Variants in PEX11G observed in about 807,000 individuals in gnomAD.
PEX11G encodes the protein peroxisomal membrane protein 11C.
Under a neutral mutation model 22.5 loss-of-function variants are expected in PEX11G, and 20 were observed. That is an observed-to-expected ratio of 0.89 (90% CI 0.62 to 1.29). PEX11G has a LOEUF of 1.29. Ranked by LOEUF, PEX11G falls within the 50% of genes most tolerant of loss-of-function variation. The pLI is 0.00. For missense variants in PEX11G, 347 were observed against 331.3 expected, an observed-to-expected ratio of 1.05 and a Z score of -0.37; for synonymous variants, 141 against 154.5, an observed-to-expected ratio of 0.91 and a Z score of 0.65.
chr19:7,486,085 C>A, intron 1 of PEX11G, 59 bp from the exon 2 acceptor site: 2 of 1,436,266 alleles, frequency 1.4e-6, no homozygotes, highest in Non-Finnish European at 1.9e-6. Flanking sequence ...TGAGCTGCAT[C>A]CCCCCATACC....
rs73488445 is a variant in PEX11G, at chr19:7,480,324, G to C, written c.428+1709C>G. On this transcript the variant is annotated intron_variant, in intron 3 of 4. Transcript: ENST00000221480. Reference sequence around the variant, plus strand: ...CCCTAAAATACAAACCAGAGGTCACGAGGCACCCAGAGGAAGGTGGCGGAA... The same window carrying C: ...CCCTAAAATACAAACCAGAGGTCACCAGGCACCCAGAGGAAGGTGGCGGAA... Among the ~76,000 whole-genome samples, 4 of 151,936 alleles carry C rather than the reference G, an allele frequency of 2.6e-5. No individual in the cohort carries two copies. In the South Asian group the frequency reaches 8.3e-4, roughly 31 times the overall value.
chr19:7,489,003 G>A lies in PEX11G; in HGVS notation c.8C>T (p.Ser3Leu), dbSNP rs758752163. The A allele has an allele frequency of 2.1e-5, 32 of 1,541,068 alleles. No individual in the cohort carries two copies. In the South Asian group the frequency reaches 3.5e-4, roughly 17 times the overall value. The stretch of plus-strand genomic sequence containing the variant: ...CAGCGCCGACGCCAGGCCGCTCAGC[G>A]ACGCCATGGCAACTCCGTGACGTCA... Reference protein sequence around the residue: MASLSGLASALES... With the variant: MALLSGLASALES... Residue 3 changes from serine to leucine, a missense_variant, in exon 1 of 5, where the codon TCG (serine) becomes TTG (leucine). Ser to Leu is a moderately radical substitution (Grantham distance 145). Transcript: ENST00000221480.
Position 7,485,829 on chromosome 19 carries a change from C to G in PEX11G, c.249+9G>C, listed in dbSNP as rs747201426. On this transcript the variant is annotated intron_variant, in intron 2 of 4. Transcript: ENST00000221480. ...ACCCTACTCCCTAGAGCCCCACAAA[C>G]CCTGTTACCTGTGCCCCCAGGCCAT... 4 of 1,588,902 alleles carry G rather than the reference C, an allele frequency of 2.5e-6. No individual in the cohort carries two copies. The highest frequency in any genetic ancestry group is 3.4e-6 in the Non-Finnish European group (4 of 1,159,988).
intron 2 of PEX11G, 49 bp downstream of exon 2, chr19:7,485,789 T>A (rs754599984): frequency 1.4e-6 from 2 of 1,462,598 alleles, no homozygotes; most frequent in Non-Finnish European, 1.8e-6. Flanking sequence ...TTAAAAAATG[T>A]CCACTCAGGT....
upstream of PEX11G, among the ~76,000 whole-genome samples, chr19:7,490,728 G>A (rs1191061975): frequency 7.9e-6 from 1 of 127,284 alleles, no homozygotes; most frequent in Non-Finnish European, 1.6e-5. Flanking sequence ...GCCGCCACTT[G>A]TGTGCTCTCT....
At chr19:7,489,254 C>A (rs764945029), upstream of PEX11G, 8 of 1,235,250 alleles carry the variant, frequency 6.5e-6, no homozygotes, top group Non-Finnish European at 8.1e-6. Flanking sequence ...TGCCCCACGG[C>A]GGTTTGGCCA....
In PEX11G at chr19:7,482,017, G is replaced by A; in HGVS notation, c.428+16C>T. ...CCAGGGACCTTGGGTGCTCCCTTCT[G>A]GCCCATGCCACTTACCTGGCAACCC... On this transcript the variant is annotated intron_variant, in intron 3 of 4. Coordinates refer to ENST00000221480, the MANE Select transcript of PEX11G (RefSeq NM_080662.4). The A allele has an allele frequency of 6.4e-7, 1 of 1,574,174 alleles. No homozygotes were observed. The highest frequency in any genetic ancestry group is 8.6e-7 in the Non-Finnish European group (1 of 1,161,080).
rs758288493 is a variant in PEX11G at position 7,477,206 on chromosome 19, G to C, written c.722C>G (p.Pro241Arg). 6.7e-7 allele frequency: 1 copy of C among 1,494,698 alleles called. No homozygotes were observed. Among genetic ancestry groups the C allele is most frequent in the Non-Finnish European group, 8.9e-7 (1 of 1,125,520 alleles). The allele number at this position is 1,494,698 out of a possible 1,614,324, so 92.6% of individuals were successfully genotyped here. Residue 241 changes from proline to arginine, a missense_variant, in exon 5 of 5, where the codon CCC becomes CGC. Pro to Arg is a moderately radical substitution (Grantham distance 103). Coordinates refer to ENST00000221480, the MANE Select transcript of PEX11G (RefSeq NM_080662.4). ...RAGGQAEATT[P>R] ...CCCTGTGCTCTTCCGGCAGTGTCAG[G>C]GGGTAGTGGCCTCGGCCTGGCCGCC...
chr19:7,487,990 G>A (rs1363883141), intron 1 of PEX11G, among the ~76,000 whole-genome samples: 1 of 152,168 alleles, frequency 6.6e-6, no homozygotes, highest in Non-Finnish European at 1.5e-5. Flanking sequence ...TCCAGACTCA[G>A]GGGCATGGAT....
At chr19:7,483,803 C>T (rs1486612680) in intron 2 of PEX11G, among the ~76,000 whole-genome samples, 2 of 152,014 alleles carry the variant, frequency 1.3e-5, no homozygotes, top group African/African-American at 4.8e-5. Flanking sequence ...ACAGGGCAGC[C>T]CAGGGAGGGG....
intron 1 of PEX11G, among the ~76,000 whole-genome samples, chr19:7,494,521 G>A (rs76589773): frequency 0.021 from 3,231 of 152,314 alleles, 57 homozygotes; most frequent in Non-Finnish European, 0.031. Flanking sequence ...TTGGAACAGC[G>A]CAATGCATTT....
intron 1 of PEX11G, among the ~76,000 whole-genome samples, chr19:7,486,703 G>C (rs960228540): frequency 2.0e-5 from 3 of 151,718 alleles, no homozygotes; most frequent in Non-Finnish European, 4.4e-5. Flanking sequence ...GGGTTCATGC[G>C]ATTCTCCTGC....
At chr19:7,493,702 C>G (rs79404687), upstream of PEX11G, among the ~76,000 whole-genome samples, 7,337 of 152,010 alleles carry the variant, frequency 0.048, 271 homozygotes, top group East Asian at 0.16. Context: ...ACATCCAGCT[C>G]CTTTTAAGAC....
chr19:7,492,596 C>A (rs1201260188), upstream of PEX11G, among the ~76,000 whole-genome samples: 3 of 152,140 alleles, frequency 2.0e-5, no homozygotes, highest in African/African-American at 7.2e-5. Flanking sequence ...ACACCCGCCA[C>A]TGTGCCCGGC....
intron 3 of PEX11G, 87 bp downstream of exon 3, chr19:7,481,946 C>T (rs574474837): frequency 7.4e-7 from 1 of 1,344,984 alleles, no homozygotes; most frequent in Non-Finnish European, 9.9e-7. Flanking sequence ...AGTCTGAAGC[C>T]TGTGCTGTTG....
chr19:7,479,462 C>T (rs181574202), intron 3 of PEX11G, among the ~76,000 whole-genome samples: 277 of 152,246 alleles, frequency 1.8e-3, no homozygotes, highest in African/African-American at 6.0e-3. Context: ...CCAGCCTGGG[C>T]GACAGAGGAA....
upstream of PEX11G, among the ~76,000 whole-genome samples, chr19:7,492,655 T>A (rs1385423078): frequency 9.2e-5 from 14 of 152,204 alleles, no homozygotes; most frequent in African/African-American, 3.4e-4. Context: ...TTGGCCAGGC[T>A]GGTCTCCAAC....
At chr19:7,482,824 G>A (rs937949694) in intron 2 of PEX11G, among the ~76,000 whole-genome samples, 1 of 152,202 alleles carries the variant, frequency 6.6e-6, no homozygotes, top group African/African-American at 2.4e-5. Context: ...AGTTACAGAC[G>A]GCCACGCTGA....
intron 3 of PEX11G, among the ~76,000 whole-genome samples, chr19:7,479,345 G>T (rs1421738642): frequency 1.3e-5 from 2 of 152,178 alleles, no homozygotes; most frequent in African/African-American, 4.8e-5. Flanking sequence ...TTAGCTGGGG[G>T]TGGTGGTGGG....
Sources: gnomAD v4.1 joint callset for allele counts (sites outside exome capture counted in the v4.1 genomes callset) on GRCh38, gnomAD v4.1.1 for gene constraint, MANE v1.5 for transcripts, NCBI Gene and HGNC (gene_info 2026-07-23, HGNC 2026-07-21) for gene names.